Variants in GRID2 observed in about 807,000 individuals in gnomAD.
The protein encoded by GRID2 is glutamate ionotropic receptor delta type subunit 2.
Under a neutral mutation model 114.8 loss-of-function variants are expected in GRID2, and 33 were observed. The ratio of observed to expected loss-of-function variants is 0.29; its 90% CI spans 0.22 to 0.38. The LOEUF is 0.38. Ranked by LOEUF, GRID2 falls within the 10% of genes least tolerant of loss-of-function variation. The pLI is 1.00. For synonymous variants in GRID2, 505 were observed against 449.9 expected (o/e 1.12, Z -1.55); for missense variants, 1,184 against 1,257.7 (o/e 0.94, Z 0.89).
At chr4:93,746,022 T>A (rs1459058169) in intron 14 of GRID2, among the ~76,000 whole-genome samples, 1 of 152,244 alleles carries the variant, frequency 6.6e-6, no homozygotes, top group South Asian at 2.1e-4. Flanking sequence ...GTACTGCAGA[T>A]AGTGTAACCA....
chr4:93,199,288 G>C (rs959365369), intron 4 of GRID2, among the ~76,000 whole-genome samples: 1 of 152,172 alleles, frequency 6.6e-6, no homozygotes, highest in African/African-American at 2.4e-5. Context: ...TTCTCATGAG[G>C]TAAAGTACTG....
At chr4:93,149,371 C>T (rs371518952) in intron 4 of GRID2, among the ~76,000 whole-genome samples, 13 of 151,840 alleles carry the variant, frequency 8.6e-5, no homozygotes, top group African/African-American at 1.7e-4. Flanking sequence ...ATCAGGAGTT[C>T]GAGACCAACT....
At chr4:93,021,711 AATT>A (rs950244801) in intron 2 of GRID2, among the ~76,000 whole-genome samples, 9 of 145,514 alleles carry the variant, frequency 6.2e-5, no homozygotes, top group East Asian at 4.0e-4. Flanking sequence ...TGAATATTAT[AATT>A]ATTTATAATA....
intron 13 of GRID2, among the ~76,000 whole-genome samples, chr4:93,594,474 A>G (rs1431687810): frequency 6.6e-5 from 10 of 152,194 alleles, no homozygotes; most frequent in Non-Finnish European, 1.5e-4. Context: ...AGACAGGGAC[A>G]TTTAAGTCTG....
intron 10 of GRID2, among the ~76,000 whole-genome samples, chr4:93,433,688 T>C (rs1432013337): frequency 1.3e-5 from 2 of 152,206 alleles, no homozygotes; most frequent in African/African-American, 4.8e-5. Context: ...GTCATGACAC[T>C]TGGCTGATGG....
At chr4:92,635,965 A>G (rs1731046248) in intron 2 of GRID2, among the ~76,000 whole-genome samples, 1 of 152,102 alleles carries the variant, frequency 6.6e-6, no homozygotes, top group Non-Finnish European at 1.5e-5. Flanking sequence ...GGTTGATAAG[A>G]ATGAATTCAT....
Position 92,890,591 on chromosome 4 carries a change from A to G in GRID2, c.245-194404A>G, listed in dbSNP as rs185883607. 3.9e-5 allele frequency among the ~76,000 whole-genome samples: 6 copies of G among 152,350 alleles called. No individual in the cohort carries two copies. The East Asian group carries it at 5.8e-4, about 15-fold the overall frequency. ...CCATCACACGCCAGTTAGAATGGCA[A>G]TCATTCAAAAGTCAGGAAACAACAG... is the stretch of plus-strand genomic sequence containing the variant. On this transcript the variant is annotated intron_variant, in intron 2 of 15. Coordinates refer to ENST00000282020, the MANE Select transcript of GRID2 (RefSeq NM_001510.4).
chr4:93,634,422 T>G (rs767595990), intron 14 of GRID2, among the ~76,000 whole-genome samples: 1 of 152,156 alleles, frequency 6.6e-6, no homozygotes, highest in Non-Finnish European at 1.5e-5. Flanking sequence ...TTGAATGTGA[T>G]AGACTATCAA....
intron 2 of GRID2, among the ~76,000 whole-genome samples, chr4:92,672,957 C>T (rs1344613237): frequency 6.6e-6 from 1 of 152,148 alleles, no homozygotes; most frequent in Non-Finnish European, 1.5e-5. Flanking sequence ...ATTAACCACA[C>T]TTTATCCCCC....
chr4:93,312,475 G>C (rs1756121596), intron 8 of GRID2, among the ~76,000 whole-genome samples: 1 of 152,126 alleles, frequency 6.6e-6, no homozygotes, highest in East Asian at 1.9e-4. Flanking sequence ...AAGTGAACTA[G>C]CAGGTACAAG....
chr4:92,341,260 C>T (rs1337006671), intron 1 of GRID2, among the ~76,000 whole-genome samples: 2 of 152,060 alleles, frequency 1.3e-5, no homozygotes, highest in South Asian at 2.1e-4. Context: ...ACCTTTATTA[C>T]TTCTGTCACT....
At chr4:93,119,468 G>T (rs1424964150) in intron 4 of GRID2, among the ~76,000 whole-genome samples, 1 of 152,134 alleles carries the variant, frequency 6.6e-6, no homozygotes, top group East Asian at 1.9e-4. Context: ...TTGGGTTTGA[G>T]AAGATACGCC....
chr4:92,513,010 A>G (rs1012285665), intron 1 of GRID2, among the ~76,000 whole-genome samples: 2 of 151,920 alleles, frequency 1.3e-5, no homozygotes, highest in African/African-American at 2.4e-5. Context: ...CAAGATTAAC[A>G]TATAGAATGG....
chr4:93,143,776 G>C (rs939506114), intron 4 of GRID2, among the ~76,000 whole-genome samples: 6 of 152,144 alleles, frequency 3.9e-5, no homozygotes, highest in African/African-American at 1.4e-4. Context: ...AGAGTTTTCA[G>C]AGGATTATTC....
At chr4:93,020,245 G>C (rs963362062) in intron 2 of GRID2, among the ~76,000 whole-genome samples, 12 of 152,002 alleles carry the variant, frequency 7.9e-5, no homozygotes, top group African/African-American at 2.2e-4. Flanking sequence ...AAAAAGTAAT[G>C]GTCTATGAAT....
At chr4:92,628,355 T>G (rs192630292) in intron 2 of GRID2, among the ~76,000 whole-genome samples, 90 of 151,702 alleles carry the variant, frequency 5.9e-4, no homozygotes, top group African/African-American at 2.1e-3. Flanking sequence ...CTGTTCTTTT[T>G]GTTTTGTGTT....
intron 1 of GRID2, among the ~76,000 whole-genome samples, chr4:92,352,388 T>C (rs181079988): frequency 5.5e-4 from 84 of 151,622 alleles, no homozygotes; most frequent in African/African-American, 1.9e-3. Context: ...TATTTAGTTG[T>C]TTGAGCTCCT....
At chr4:92,681,184 C>G (rs1733630366) in intron 2 of GRID2, among the ~76,000 whole-genome samples, 1 of 152,010 alleles carries the variant, frequency 6.6e-6, no homozygotes, top group Non-Finnish European at 1.5e-5. Context: ...TTATATGAGG[C>G]TATAGAAAAG....
intron 2 of GRID2, among the ~76,000 whole-genome samples, chr4:93,025,150 G>A (rs1723768952): frequency 6.6e-6 from 1 of 151,308 alleles, no homozygotes; most frequent in Non-Finnish European, 1.5e-5. Flanking sequence ...TAAAGAGAGG[G>A]AGAGAAAGAG....
Sources: allele counts gnomAD v4.1 joint callset (sites outside exome capture counted in the v4.1 genomes callset), GRCh38; gene constraint gnomAD v4.1.1; transcripts MANE v1.5; gene names NCBI Gene and HGNC (gene_info 2026-07-23, HGNC 2026-07-21).